The following COPS8 variants were observed in gnomAD, a reference collection of about 807,000 sequenced individuals.
COPS8 encodes COP9 signalosome complex subunit 8.
COPS8 carries 11 observed loss-of-function variants against 31.5 expected under a neutral mutation model. That is an observed-to-expected ratio of 0.35 (90% CI 0.22 to 0.58). The LOEUF is 0.58. Ranked by LOEUF, COPS8 falls within the 20% of genes least tolerant of loss-of-function variation. The pLI is 0.83. For synonymous variants in COPS8, 81 were observed against 89.3 expected (o/e 0.91, Z 0.52); for missense variants, 215 against 255.1 (o/e 0.84, Z 1.07).
chr2:237,096,600 T>TC (rs1696805352), intron 6 of COPS8: 1 of 600,110 alleles, frequency 1.7e-6, no homozygotes, highest in South Asian at 2.0e-5. Flanking sequence ...CTCAATGTGC[T>TC]CAGCCCTTTG....
At chr2:237,092,250 C>G (rs1696717136) in intron 4 of COPS8, among the ~76,000 whole-genome samples, 1 of 152,182 alleles carries the variant, frequency 6.6e-6, no homozygotes, top group African/African-American at 2.4e-5. Context: ...CACAGAGTGA[C>G]TAGTCGGAAT....
chr2:237,092,369 T>G (rs1696718883), intron 4 of COPS8, among the ~76,000 whole-genome samples: 1 of 152,218 alleles, frequency 6.6e-6, no homozygotes, highest in Admixed American at 6.5e-5. Flanking sequence ...TTTTCTTTCC[T>G]TTTCCAGTGA....
rs1696638119 is a variant in COPS8 at position 237,087,378 on chromosome 2, G to T, written c.149+181G>T. On this transcript the variant is annotated intron_variant, in intron 2 of 7. Coordinates refer to ENST00000354371, the MANE Select transcript of COPS8 (RefSeq NM_006710.5). The stretch of plus-strand genomic sequence containing the variant: ...AATGAATTATGATTAGGTCGTCATT[G>T]TCTTACATATACTTTCTAGAAAACA... 5.4e-6 allele frequency: 3 copies of T among 551,138 alleles called. No homozygotes were observed. In the South Asian group the frequency reaches 7.8e-5, roughly 14 times the overall value. The allele number at this position is 551,138 out of a possible 1,614,324, so 34.1% of individuals were successfully genotyped here.
chr2:237,096,179 T>C (rs1696797645), intron 6 of COPS8, among the ~76,000 whole-genome samples: 1 of 152,184 alleles, frequency 6.6e-6, no homozygotes, highest in Admixed American at 6.5e-5. Context: ...TAACTGAGCT[T>C]ATCCTTCATA....
intron 1 of COPS8, among the ~76,000 whole-genome samples, chr2:237,086,344 C>CG (rs2106343231): frequency 6.6e-6 from 1 of 152,220 alleles, no homozygotes; most frequent in African/African-American, 2.4e-5. Flanking sequence ...TTCCCAGTAT[C>CG]GGGTTGGGAG....
intron 2 of COPS8, 133 bp from the exon 3 acceptor site, chr2:237,088,472 T>C (rs1182062580): frequency 2.0e-6 from 1 of 491,100 alleles, no homozygotes; most frequent in South Asian, 4.9e-5. Context: ...CAAATTCATA[T>C]AAAACTAAAT....
rs149840872 is a variant in COPS8, at chr2:237,094,130, G to A, written c.372G>A (p.Ala124=). ...GCGCCTTTGCCCTGGTCTCTCAAGCGTATACTTCAATCATCGCCGATGATT... is the reference window on the plus strand; with the variant it reads ...GCGCCTTTGCCCTGGTCTCTCAAGCATATACTTCAATCATCGCCGATGATT... ...RRRAFALVSQ[A]YTSIIADDFA... The change falls in exon 5 of 8, where the codon GCG becomes GCA. Residue 124 remains alanine, a synonymous_variant. Coordinates refer to ENST00000354371, the MANE Select transcript of COPS8 (RefSeq NM_006710.5). 1.7e-4 allele frequency: 277 copies of A among 1,613,810 alleles called. 2 individuals are homozygous for A. In the South Asian group the frequency reaches 2.4e-3, roughly 14 times the overall value.
At position 237,096,882 on chromosome 2, in the gene COPS8, A is replaced by C. The variant is rs779544353; in HGVS notation, c.550+13A>C. ...ATTCCCTTATCAGGTATGTATTTTC[A>C]TATGCACATTTTTTAATGTCTCATT... On this transcript the variant is annotated intron_variant, in intron 7 of 7. Coordinates refer to ENST00000354371, the MANE Select transcript of COPS8 (RefSeq NM_006710.5). 6.3e-7 allele frequency: 1 copy of C among 1,584,010 alleles called. No individual in the cohort carries two copies. Among genetic ancestry groups the C allele is most frequent in the African/African-American group, 1.4e-5 (1 of 73,416 alleles).
rs371849671 is a variant in COPS8 at position 237,085,938 on chromosome 2, G to A, written c.-27G>A. 8 of 1,607,144 alleles carry A rather than the reference G, an allele frequency of 5.0e-6. No individual in the cohort carries two copies. The highest frequency in any genetic ancestry group is 1.1e-5 in the South Asian group (1 of 90,096). On this transcript the variant is annotated 5_prime_UTR_variant, in exon 1 of 8. Transcript: ENST00000354371. ...CAGTCTGGGGTTTGGCTGTCCGGAC[G>A]GTGCAGCGGCGAGGCCGGCCGCGAA...
rs907216307 is a variant in COPS8 at position 237,099,591 on chromosome 2, G to A, written c.*1849G>A. On this transcript the variant is annotated 3_prime_UTR_variant, in exon 8 of 8. Coordinates refer to ENST00000354371, the MANE Select transcript of COPS8 (RefSeq NM_006710.5). Reference sequence around the variant, plus strand: ...CCCCAGTAATCTTAAATTTGACATGGAAACCTCATTATATGCTTTATTTTT... The same window carrying A: ...CCCCAGTAATCTTAAATTTGACATGAAAACCTCATTATATGCTTTATTTTT... 6.6e-6 allele frequency: 1 copy of A among 151,980 alleles called. No individual in the cohort carries two copies. Among genetic ancestry groups the A allele is most frequent in the African/African-American group, 2.4e-5 (1 of 41,364 alleles). The allele number at this position is 151,980 out of a possible 1,614,324, so 9.4% of individuals were successfully genotyped here.
rs373807335 is a variant in COPS8 at position 237,094,084 on chromosome 2, C to T, written c.332-6C>T. On this transcript the variant is annotated splice_polypyrimidine_tract_variant and splice_region_variant and intron_variant, in intron 4 of 7. Coordinates refer to ENST00000354371, the MANE Select transcript of COPS8 (RefSeq NM_006710.5). ...ACTCTCTGCCAACCCACCACTCCCA[C>T]AATAGATGCAACAAGGAGACGCGCC... 1 of 1,612,544 alleles carries T rather than the reference C, an allele frequency of 6.2e-7. No homozygotes were observed. The highest frequency in any genetic ancestry group is 1.3e-5 in the African/African-American group (1 of 74,874).
chr2:237,098,796 G>A lies in COPS8; in HGVS notation c.*1054G>A, dbSNP rs1696847269. ...ATATGAATCTCTTAAGTAGAAATGA[G>A]TTGTATGGTGAATCTGTGTAGTGAT... is the stretch of plus-strand genomic sequence containing the variant. On this transcript the variant is annotated 3_prime_UTR_variant, in exon 8 of 8. Coordinates refer to ENST00000354371, the MANE Select transcript of COPS8 (RefSeq NM_006710.5). 1 of 152,258 alleles carries A rather than the reference G, an allele frequency of 6.6e-6. No individual in the cohort carries two copies. Among genetic ancestry groups the A allele is most frequent in the East Asian group, 1.9e-4 (1 of 5,188 alleles). The allele number at this position is 152,258 out of a possible 1,614,324, so 9.4% of individuals were successfully genotyped here. A position where few individuals can be genotyped will look rare whatever the true frequency, so the allele number is the denominator to read the frequency against.
intron 7 of COPS8, 47 bp downstream of exon 7, chr2:237,096,916 TTTC>T (rs1696812540): frequency 7.2e-7 from 1 of 1,387,816 alleles, no homozygotes. Flanking sequence ...TTGTTCCTAA[TTTC>T]TTTTTTGTAG....
intron 4 of COPS8, chr2:237,093,527 G>A (rs1340839308): frequency 4.2e-6 from 1 of 235,538 alleles, no homozygotes. Flanking sequence ...TTTCGTTGCT[G>A]GTATTGTTTG....
chr2:237,093,635 G>T (rs1696745453), intron 4 of COPS8: 5 of 954,420 alleles, frequency 5.2e-6, no homozygotes, highest in African/African-American at 1.8e-5. Flanking sequence ...GAATGCTCCA[G>T]TTACAAGATT....
At position 237,100,337 on chromosome 2, in the gene COPS8, A is replaced by T. The variant is rs1696871954; in HGVS notation, c.*2595A>T. ...CCTGACAGCACCCTGTTTCAGATCC[A>T]TTGGATATCTCTAAAATTTGCTCTG... On this transcript the variant is annotated 3_prime_UTR_variant, in exon 8 of 8. Transcript: ENST00000354371. 3 of 152,130 alleles carry T rather than the reference A, an allele frequency of 2.0e-5. No individual in the cohort carries two copies. Among genetic ancestry groups the T allele is most frequent in the Admixed American group, 2.0e-4 (3 of 15,264 alleles). 9.4% of individuals were successfully genotyped at this position (152,130 alleles called of 1,614,324 possible).
chr2:237,092,796 C>T (rs894198623), intron 4 of COPS8, among the ~76,000 whole-genome samples: 3 of 152,064 alleles, frequency 2.0e-5, no homozygotes, highest in Admixed American at 6.5e-5. Context: ...ATGGGAGTGT[C>T]GGCAGTTTTT....
rs538165221 is a variant in COPS8 at position 237,100,019 on chromosome 2, T to C, written c.*2277T>C. ...AGTGCTTGATTTCACTTCCCTTTAT[T>C]ATCAGTTCTCAGGACAAATTGATAT... On this transcript the variant is annotated 3_prime_UTR_variant, in exon 8 of 8. Coordinates refer to ENST00000354371, the MANE Select transcript of COPS8 (RefSeq NM_006710.5). The C allele has an allele frequency of 6.6e-6, 1 of 152,310 alleles. No homozygotes were observed. Among genetic ancestry groups the C allele is most frequent in the East Asian group, 1.9e-4 (1 of 5,186 alleles). The allele number at this position is 152,310 out of a possible 1,614,324, so 9.4% of individuals were successfully genotyped here. A position where few individuals can be genotyped will look rare whatever the true frequency, so the allele number is the denominator to read the frequency against.
intron 5 of COPS8, 42 bp downstream of exon 5, chr2:237,094,239 T>G (rs374366971): frequency 5.7e-6 from 9 of 1,570,338 alleles, no homozygotes; most frequent in African/African-American, 2.7e-5. Context: ...AAATGGAAAA[T>G]AGAAGTGTGA....
Sources: allele counts gnomAD v4.1 joint callset (sites outside exome capture counted in the v4.1 genomes callset), GRCh38; gene constraint gnomAD v4.1.1; transcripts MANE v1.5; gene names NCBI Gene and HGNC (gene_info 2026-07-23, HGNC 2026-07-21).